The following NFATC1 variants were observed in gnomAD, a reference collection of about 807,000 sequenced individuals.
NFATC1 encodes nuclear factor of activated T cells 1, also known as nuclear factor of activated T-cells, cytoplasmic 1.
A neutral mutation model predicts 76.0 loss-of-function variants in NFATC1; 22 were observed. The observed-to-expected ratio is 0.29, with a 90% confidence interval of 0.21 to 0.41. The LOEUF (loss-of-function observed/expected upper bound fraction) is 0.41, where lower values mean the gene tolerates loss of function less well. NFATC1 is among the 10% of genes least tolerant of loss of function. The probability of loss-of-function intolerance (pLI) is 1.00; values close to 1 mark genes in which losing one functional copy is unlikely to be tolerated. For synonymous variants in NFATC1, 704 were observed against 613.1 expected (o/e 1.15, Z -2.19); for missense variants, 1,357 against 1,337.7 (o/e 1.01, Z -0.23).
In NFATC1 at chr18:79,472,362, C is replaced by T. The variant is rs546548248; in HGVS notation, c.2092+4780C>T. On this transcript the variant is annotated intron_variant, in intron 8 of 9. Coordinates refer to ENST00000427363, the MANE Select transcript of NFATC1 (RefSeq NM_001278669.2). ...GGCTCAGAGCACCCCACAAGGGATCCGCCTGATTGCAGACAAGCAGTTCTG... is the reference window on the plus strand; with the variant it reads ...GGCTCAGAGCACCCCACAAGGGATCTGCCTGATTGCAGACAAGCAGTTCTG... 5.3e-5 allele frequency among the ~76,000 whole-genome samples: 8 copies of T among 152,314 alleles called. No individual in the cohort carries two copies. The South Asian group carries it at 8.3e-4, about 16-fold the overall frequency.
intron 2 of NFATC1, among the ~76,000 whole-genome samples, chr18:79,426,817 C>A (rs1347410049): frequency 6.6e-6 from 1 of 152,234 alleles, no homozygotes; most frequent in Non-Finnish European, 1.5e-5. Context: ...ACCCGGCCCC[C>A]GGGGCTGCCC....
rs2085677359 is a variant in NFATC1, at chr18:79,411,452, C to T, written c.1177C>T (p.Pro393Ser). Residue 393 changes from proline to serine, a missense_variant, in exon 2 of 10, where the codon CCC becomes TCC. Physicochemically the swap from Pro to Ser is moderately conservative, Grantham distance 74. Transcript: ENST00000427363. Reference sequence around the variant, plus strand: ...CCAGTACCTGGCGGTGCCGCAGCACCCCTACCAGTGGGCGAAGCCCAAGCC... The same window carrying T: ...CCAGTACCTGGCGGTGCCGCAGCACTCCTACCAGTGGGCGAAGCCCAAGCC... ...CDQYLAVPQH[P>S]YQWAKPKPLS... is the part of the protein sequence containing the mutation. 4 of 1,516,286 alleles carry T rather than the reference C, an allele frequency of 2.6e-6. No individual in the cohort carries two copies. The highest frequency in any genetic ancestry group is 2.8e-5 in the African/African-American group (2 of 71,740). The allele number at this position is 1,516,286 out of a possible 1,614,324, so 93.9% of individuals were successfully genotyped here.
chr18:79,448,180 T>C, intron 3 of NFATC1: 1 of 155,708 alleles, frequency 6.4e-6, no homozygotes, highest in Admixed American at 6.1e-5. Flanking sequence ...CCCTAGGCAG[T>C]GTCTGCCGCC....
In NFATC1 at chr18:79,527,523, T is replaced by C. The variant is rs1352905218; in HGVS notation, c.2783-5T>C. On this transcript the variant is annotated splice_polypyrimidine_tract_variant and splice_region_variant and intron_variant, in intron 9 of 9. Coordinates refer to ENST00000427363, the MANE Select transcript of NFATC1 (RefSeq NM_001278669.2). Reference sequence around the variant, plus strand: ...AATACTTTCTCAATTTTTCTTTTCTTACAGTAAATGAAATAATACGAAATG... The same window carrying C: ...AATACTTTCTCAATTTTTCTTTTCTCACAGTAAATGAAATAATACGAAATG... 3.7e-6 allele frequency: 6 copies of C among 1,613,280 alleles called. No homozygotes were observed. Among genetic ancestry groups the C allele is most frequent in the Non-Finnish European group, 5.1e-6 (6 of 1,179,360 alleles).
At chr18:79,437,166 G>A (rs892016353) in intron 3 of NFATC1, among the ~76,000 whole-genome samples, 6 of 152,190 alleles carry the variant, frequency 3.9e-5, no homozygotes, top group African/African-American at 7.2e-5. Context: ...TGATGGGTGC[G>A]CCCCCTCTGC....
chr18:79,426,941 A>G (rs1600678332), intron 2 of NFATC1, among the ~76,000 whole-genome samples: 1 of 152,358 alleles, frequency 6.6e-6, no homozygotes, highest in East Asian at 1.9e-4. Context: ...GAAGCTCTGC[A>G]GGAGCTCAGG....
intron 9 of NFATC1, among the ~76,000 whole-genome samples, chr18:79,518,547 C>T (rs1256401025): frequency 1.3e-5 from 2 of 152,182 alleles, no homozygotes; most frequent in Admixed American, 6.5e-5. Flanking sequence ...GAGAGGGTGT[C>T]CTTGACAAGT....
At chr18:79,443,249 C>G (rs952054279) in intron 3 of NFATC1, among the ~76,000 whole-genome samples, 14 of 152,232 alleles carry the variant, frequency 9.2e-5, no homozygotes, top group African/African-American at 3.4e-4. Context: ...GGTGTGAACT[C>G]AGTATTGTCA....
chr18:79,455,111 A>G (rs2087632435), intron 6 of NFATC1, among the ~76,000 whole-genome samples: 1 of 152,388 alleles, frequency 6.6e-6, no homozygotes, highest in South Asian at 2.1e-4. Context: ...TGGATGCATC[A>G]AACATGAGCC....
At position 79,516,470 on chromosome 18, in the gene NFATC1, C is replaced by G. The variant is rs2090386595; in HGVS notation, c.2783-11058C>G. ...GAAGGGTTCTAGAGACGCTGCGACCCTGCGTTTTCAGAATGTGGTGGCTCC... is the reference window on the plus strand; with the variant it reads ...GAAGGGTTCTAGAGACGCTGCGACCGTGCGTTTTCAGAATGTGGTGGCTCC... On this transcript the variant is annotated intron_variant, in intron 9 of 9. Transcript: ENST00000427363. Among the ~76,000 whole-genome samples the G allele has an allele frequency of 2.0e-5, 3 of 152,162 alleles. No homozygotes were observed. In the South Asian group the frequency reaches 6.2e-4, roughly 32 times the overall value.
At chr18:79,415,612 G>A (rs1389850652) in intron 2 of NFATC1, among the ~76,000 whole-genome samples, 1 of 151,994 alleles carries the variant, frequency 6.6e-6, no homozygotes, top group African/African-American at 2.4e-5. Context: ...ATGAAACATT[G>A]CCTCTTAGAA....
At chr18:79,424,376 C>A (rs1041271621) in intron 2 of NFATC1, among the ~76,000 whole-genome samples, 1 of 152,228 alleles carries the variant, frequency 6.6e-6, no homozygotes. Context: ...AGCCTCTGAC[C>A]GCTGGCCACT....
At chr18:79,398,181 G>C (rs917038201) in intron 1 of NFATC1, among the ~76,000 whole-genome samples, 1 of 152,200 alleles carries the variant, frequency 6.6e-6, no homozygotes, top group Non-Finnish European at 1.5e-5. Context: ...TGAAGGCCCC[G>C]GGCTTGCTTC....
intron 2 of NFATC1, among the ~76,000 whole-genome samples, chr18:79,420,565 A>T (rs1183703734): frequency 6.6e-6 from 1 of 150,690 alleles, no homozygotes; most frequent in Non-Finnish European, 1.5e-5. Flanking sequence ...TTTCCAGGTG[A>T]CATCGCTACA....
At chr18:79,439,320 A>T (rs2144703316) in intron 3 of NFATC1, among the ~76,000 whole-genome samples, 1 of 152,308 alleles carries the variant, frequency 6.6e-6, no homozygotes, top group Middle Eastern at 3.4e-3. Flanking sequence ...GCTATTGCAG[A>T]ACCTCAAACA....
intron 9 of NFATC1, among the ~76,000 whole-genome samples, chr18:79,492,720 AAAG>A (rs902930394): frequency 2.7e-5 from 4 of 150,518 alleles, no homozygotes; most frequent in Admixed American, 2.0e-4. Context: ...AAAAAAAAAA[AAAG>A]ATTAGCTGGG....
At chr18:79,463,506 CTT>C (rs1389126532) in intron 7 of NFATC1, among the ~76,000 whole-genome samples, 11 of 151,956 alleles carry the variant, frequency 7.2e-5, no homozygotes, top group African/African-American at 2.7e-4. Context: ...ACCGGCCTCT[CTT>C]CCCCACGGCC....
intron 1 of NFATC1, chr18:79,402,304 T>C (rs886236944): frequency 6.1e-6 from 6 of 985,106 alleles, no homozygotes; most frequent in Non-Finnish European, 7.2e-6. Context: ...GCGGGCTTCC[T>C]GCTGGCATCG....
At chr18:79,503,941 GC>G (rs1356160075) in intron 9 of NFATC1, among the ~76,000 whole-genome samples, 5 of 152,150 alleles carry the variant, frequency 3.3e-5, no homozygotes, top group Non-Finnish European at 7.4e-5. Context: ...GCCTCTGCTG[GC>G]TTCAAACTTT....
Sources: gnomAD v4.1 joint callset for allele counts (sites outside exome capture counted in the v4.1 genomes callset) on GRCh38, gnomAD v4.1.1 for gene constraint, MANE v1.5 for transcripts, NCBI Gene and HGNC (gene_info 2026-07-23, HGNC 2026-07-21) for gene names.